Variants in KCNH1 observed in about 807,000 individuals in gnomAD.
KCNH1 encodes voltage-gated delayed rectifier potassium channel KCNH1.
Under a neutral mutation model 69.2 loss-of-function variants are expected in KCNH1, and 27 were observed. The ratio of observed to expected loss-of-function variants is 0.39; its 90% CI spans 0.29 to 0.54. KCNH1 has a LOEUF of 0.54. KCNH1 is among the 20% of genes least tolerant of loss of function. The pLI is 0.68. For missense variants in KCNH1, 798 were observed against 1,261.6 expected (o/e 0.63, Z 5.57); for synonymous variants, 456 against 487.7 (o/e 0.93, Z 0.86).
intron 5 of KCNH1, among the ~76,000 whole-genome samples, chr1:211,076,445 T>C (rs918108035): frequency 6.6e-6 from 1 of 152,330 alleles, no homozygotes; most frequent in East Asian, 1.9e-4. Context: ...GCAGCCTCCA[T>C]TGGTGATATC....
At chr1:211,115,732 C>T (rs113228355) in intron 1 of KCNH1, among the ~76,000 whole-genome samples, 2,280 of 53,352 alleles carry the variant, frequency 0.043, 73 homozygotes, top group African/African-American at 0.22. Context: ...TATATATATA[C>T]ACACACACAC....
chr1:210,823,896 C>A (rs1318907643), intron 7 of KCNH1, among the ~76,000 whole-genome samples: 1 of 152,128 alleles, frequency 6.6e-6, no homozygotes, highest in Non-Finnish European at 1.5e-5. Context: ...TCCTGCCATT[C>A]ACTGAAGCCC....
chr1:211,068,109 A>G (rs1021386038), intron 5 of KCNH1, among the ~76,000 whole-genome samples: 4 of 152,236 alleles, frequency 2.6e-5, no homozygotes, highest in African/African-American at 9.6e-5. Context: ...CAACATGTGC[A>G]ATCTATTTAA....
chr1:211,086,198 T>C (rs1194716149), intron 4 of KCNH1, among the ~76,000 whole-genome samples: 3 of 152,202 alleles, frequency 2.0e-5, no homozygotes, highest in African/African-American at 7.2e-5. Context: ...ATATTTTTTT[T>C]TCTCTCATCA....
At chr1:211,089,911 G>A (rs9970961) in intron 4 of KCNH1, among the ~76,000 whole-genome samples, 50,457 of 152,042 alleles carry the variant, frequency 0.33, 8,543 homozygotes, top group Non-Finnish European at 0.34. Flanking sequence ...TCAGGGGTAC[G>A]GTTGTTCCAG....
At chr1:210,790,888 T>C (rs17016900) in intron 9 of KCNH1, among the ~76,000 whole-genome samples, 1,590 of 152,280 alleles carry the variant, frequency 0.01, 31 homozygotes, top group African/African-American at 0.037. Context: ...AACTCATCCA[T>C]AGACTAGCCC....
intron 7 of KCNH1, among the ~76,000 whole-genome samples, chr1:210,823,652 T>C (rs1035547617): frequency 3.3e-5 from 5 of 152,168 alleles, no homozygotes; most frequent in Non-Finnish European, 5.9e-5. Flanking sequence ...TTAAGAGAGA[T>C]TATGTCATTA....
intron 7 of KCNH1, among the ~76,000 whole-genome samples, chr1:210,857,786 A>G (rs1685887174): frequency 6.6e-6 from 1 of 152,228 alleles, no homozygotes; most frequent in Non-Finnish European, 1.5e-5. Context: ...AAGATCAATA[A>G]AGGCTTATTT....
chr1:210,686,090 C>T (rs1182201086), intron 10 of KCNH1, among the ~76,000 whole-genome samples: 2 of 152,204 alleles, frequency 1.3e-5, no homozygotes, highest in Non-Finnish European at 2.9e-5. Flanking sequence ...CCCTCCTTAG[C>T]TGTACCCCAA....
At chr1:210,946,598 A>G (rs1687963213) in intron 6 of KCNH1, among the ~76,000 whole-genome samples, 1 of 152,138 alleles carries the variant, frequency 6.6e-6, no homozygotes, top group South Asian at 2.1e-4. Context: ...AAACAAGGGA[A>G]AAACATGGCC....
chr1:210,830,580 C>T (rs1481676834), intron 7 of KCNH1, among the ~76,000 whole-genome samples: 1 of 150,882 alleles, frequency 6.6e-6, no homozygotes, highest in Non-Finnish European at 1.5e-5. Flanking sequence ...AAACCAGCTG[C>T]TCCATCCAAA....
chr1:210,955,850 A>G (rs147725932), intron 6 of KCNH1, among the ~76,000 whole-genome samples: 1,878 of 152,310 alleles, frequency 0.012, 45 homozygotes, highest in African/African-American at 0.043. Context: ...ATCTGTAAAC[A>G]GGGACAATTT....
At chr1:210,715,529 A>AAAC (rs1553337338) in intron 10 of KCNH1, among the ~76,000 whole-genome samples, 3 of 152,072 alleles carry the variant, frequency 2.0e-5, no homozygotes, top group Non-Finnish European at 4.4e-5. Context: ...AAAAAAAAAA[A>AAAC]AACGTAATGG....
In KCNH1 at chr1:210,999,431, C is replaced by G. The variant is rs530797270; in HGVS notation, c.1032+19352G>C. On this transcript the variant is annotated intron_variant, in intron 6 of 10. Coordinates refer to ENST00000271751, the MANE Select transcript of KCNH1 (RefSeq NM_172362.3). ...AAATTTAGAAGAAATGGATAAATTC[C>G]TGGACACATACACCCTCCCAAGACT... Among the ~76,000 whole-genome samples, 4 of 152,248 alleles carry G rather than the reference C, an allele frequency of 2.6e-5. No individual in the cohort carries two copies. The South Asian group carries it at 6.2e-4, about 24-fold the overall frequency.
chr1:210,984,894 G>A (rs928119507), intron 6 of KCNH1, among the ~76,000 whole-genome samples: 3 of 152,214 alleles, frequency 2.0e-5, no homozygotes, highest in Admixed American at 2.0e-4. Context: ...GTAGAATTCA[G>A]CTGTGAACCC....
At chr1:210,959,296 C>G (rs1020934205) in intron 6 of KCNH1, among the ~76,000 whole-genome samples, 2 of 152,082 alleles carry the variant, frequency 1.3e-5, no homozygotes, top group African/African-American at 2.4e-5. Context: ...AAGCTTTGTC[C>G]CAGAGGGGCA....
Position 210,713,399 on chromosome 1 carries a change from G to C in KCNH1, c.2113-29261C>G, listed in dbSNP as rs189932470. Reference sequence around the variant, plus strand: ...TCATGCTTTCAGCACTGAAGATGCAGTTCTGCTCTGACTTTGGGGAATGTG... The same window carrying C: ...TCATGCTTTCAGCACTGAAGATGCACTTCTGCTCTGACTTTGGGGAATGTG... On this transcript the variant is annotated intron_variant, in intron 10 of 10. Coordinates refer to ENST00000271751, the MANE Select transcript of KCNH1 (RefSeq NM_172362.3). Among the ~76,000 whole-genome samples the C allele has an allele frequency of 2.2e-3, 342 of 152,306 alleles. 1 individual carries two copies. Among genetic ancestry groups the C allele is most frequent in the African/African-American group, 7.9e-3 (330 of 41,572 alleles).
chr1:210,759,985 G>A lies in KCNH1; in HGVS notation c.2112+15363C>T, dbSNP rs79695202. Among the ~76,000 whole-genome samples the A allele has an allele frequency of 8.8e-3, 1,346 of 152,286 alleles. 47 individuals are homozygous for A. Among genetic ancestry groups the A allele is most frequent in the East Asian group, 0.059 (304 of 5,166 alleles). ...AGCTCCGCCTCCTATCAGATCAGCA[G>A]TGGCATTGGATTCTCATAGGAGTCT... On this transcript the variant is annotated intron_variant, in intron 10 of 10. Coordinates refer to ENST00000271751, the MANE Select transcript of KCNH1 (RefSeq NM_172362.3).
At position 210,885,376 on chromosome 1, in the gene KCNH1, C is replaced by A. The variant is rs567892730; in HGVS notation, c.1462+34264G>T. Among the ~76,000 whole-genome samples the A allele has an allele frequency of 2.0e-5, 3 of 152,308 alleles. No individual in the cohort carries two copies. In the East Asian group the frequency reaches 5.8e-4, roughly 29 times the overall value. On this transcript the variant is annotated intron_variant, in intron 7 of 10. Transcript: ENST00000271751. ...TGCTGTGAGGAATAGTGCACTCTGGCCAAAATACTATGCTTTTCCCACAGT... is the reference window on the plus strand; with the variant it reads ...TGCTGTGAGGAATAGTGCACTCTGGACAAAATACTATGCTTTTCCCACAGT...
Sources: gnomAD v4.1 joint callset for allele counts (sites outside exome capture counted in the v4.1 genomes callset) on GRCh38, gnomAD v4.1.1 for gene constraint, MANE v1.5 for transcripts, NCBI Gene and HGNC (gene_info 2026-07-23, HGNC 2026-07-21) for gene names.